The following PPP1R9A variants were observed in gnomAD, a reference collection of about 807,000 sequenced individuals.
PPP1R9A encodes neurabin-1.
Under a neutral mutation model 141.9 loss-of-function variants are expected in PPP1R9A, and 59 were observed. That is an observed-to-expected ratio of 0.42 (90% CI 0.34 to 0.52). The LOEUF is 0.52. PPP1R9A is among the 20% of genes least tolerant of loss of function. The probability of loss-of-function intolerance (pLI) is 0.10; values close to 1 mark genes in which losing one functional copy is unlikely to be tolerated. For synonymous variants in PPP1R9A, 500 were observed against 569.7 expected, an observed-to-expected ratio of 0.88 and a Z score of 1.74; for missense variants, 1,444 against 1,611.9, an observed-to-expected ratio of 0.90 and a Z score of 1.78.
intron 17 of PPP1R9A, among the ~76,000 whole-genome samples, chr7:95,285,167 G>T (rs1303270522): frequency 2.6e-5 from 4 of 152,144 alleles, no homozygotes; most frequent in Admixed American, 2.6e-4. Context: ...CCAGCCTCTG[G>T]CATGGTATTT....
intron 8 of PPP1R9A, among the ~76,000 whole-genome samples, chr7:95,245,417 T>A (rs1797989825): frequency 6.6e-6 from 1 of 152,148 alleles, no homozygotes. Context: ...GGTGATTCAC[T>A]GTGAGGAAAA....
At position 95,142,744 on chromosome 7, in the gene PPP1R9A, G is replaced by C. The variant is rs553425361; in HGVS notation, c.1650-19123G>C. On this transcript the variant is annotated intron_variant, in intron 4 of 19. Coordinates refer to ENST00000433360, the MANE Select transcript of PPP1R9A (RefSeq NM_001166160.2). Reference sequence around the variant, plus strand: ...GCAGAATGAATTTGAGGAACACATAGAGCCAATGATAATGAGATGAGTTAG... The same window carrying C: ...GCAGAATGAATTTGAGGAACACATACAGCCAATGATAATGAGATGAGTTAG... Among the ~76,000 whole-genome samples the C allele has an allele frequency of 2.2e-3, 338 of 152,080 alleles. 1 individual carries two copies. Among genetic ancestry groups the C allele is most frequent in the Non-Finnish European group, 3.6e-3 (242 of 67,942 alleles).
chr7:95,234,314 A>G (rs1381252376), intron 8 of PPP1R9A, among the ~76,000 whole-genome samples: 2 of 152,226 alleles, frequency 1.3e-5, no homozygotes, highest in Admixed American at 6.5e-5. Flanking sequence ...GAACTGGTAA[A>G]TGAATTCAGC....
At chr7:95,178,968 A>G (rs143891539) in intron 5 of PPP1R9A, among the ~76,000 whole-genome samples, 229 of 152,112 alleles carry the variant, frequency 1.5e-3, no homozygotes, top group African/African-American at 5.1e-3. Flanking sequence ...ATTGGTACCA[A>G]TCCTATTGAC....
chr7:95,128,909 A>G (rs1824067207), intron 4 of PPP1R9A, among the ~76,000 whole-genome samples: 1 of 152,198 alleles, frequency 6.6e-6, no homozygotes, highest in Non-Finnish European at 1.5e-5. Context: ...AGACTTAGTC[A>G]TAAATTCTCT....
At chr7:95,047,013 T>C (rs1038991220) in intron 2 of PPP1R9A, among the ~76,000 whole-genome samples, 6 of 152,196 alleles carry the variant, frequency 3.9e-5, no homozygotes, top group Non-Finnish European at 8.8e-5. Context: ...GGTGCTGGGC[T>C]CTCTCCTGGA....
At chr7:95,004,920 T>G (rs1240711948) in intron 2 of PPP1R9A, among the ~76,000 whole-genome samples, 1 of 152,216 alleles carries the variant, frequency 6.6e-6, no homozygotes, top group African/African-American at 2.4e-5. Flanking sequence ...ATCTGTCGAA[T>G]GTTTCCCTGT....
At position 95,237,077 on chromosome 7, in the gene PPP1R9A, A is replaced by G. The variant is rs1171809126; in HGVS notation, c.2113-10396A>G. ...AGATATTTTATATTAATAGCTTGAT[A>G]CATAAACAGTTTTTATTTAATAATC... On this transcript the variant is annotated intron_variant, in intron 8 of 19. Transcript: ENST00000433360. 4.0e-5 allele frequency among the ~76,000 whole-genome samples: 6 copies of G among 151,380 alleles called. No individual in the cohort carries two copies. In the East Asian group the frequency reaches 9.7e-4, roughly 24 times the overall value.
rs1165803629 is a variant in PPP1R9A at position 95,290,657 on chromosome 7, G to GT, written c.*356dup. 1 of 228,010 alleles carries GT rather than the reference G, an allele frequency of 4.4e-6. No homozygotes were observed. The highest frequency in any genetic ancestry group is 5.2e-5 in the Admixed American group (1 of 19,412). The allele number at this position is 228,010 out of a possible 1,614,324, so 14.1% of individuals were successfully genotyped here. On this transcript the variant is annotated 3_prime_UTR_variant, in exon 20 of 20. Transcript: ENST00000433360. ...CAAGAGCATGACACACCCTGGTGTT[G>GT]TTAATGGAGCGCCGTGAATTTTCAG... is the stretch of plus-strand genomic sequence containing the variant.
intron 6 of PPP1R9A, 98 bp downstream of exon 6, chr7:95,198,582 A>C (rs1391883244): frequency 7.3e-7 from 1 of 1,361,810 alleles, no homozygotes; most frequent in East Asian, 2.5e-5. Context: ...CAGTTTCTTG[A>C]GGAAGGTGTG....
chr7:95,107,776 G>T (rs1394307413), intron 2 of PPP1R9A, among the ~76,000 whole-genome samples: 1 of 151,980 alleles, frequency 6.6e-6, no homozygotes, highest in Non-Finnish European at 1.5e-5. Flanking sequence ...TAGTTTTCAC[G>T]AAAAATGTAG....
rs1807055636 is a variant in PPP1R9A, at chr7:95,296,002, A to T, written c.*5699A>T. On this transcript the variant is annotated 3_prime_UTR_variant, in exon 20 of 20. Coordinates refer to ENST00000433360, the MANE Select transcript of PPP1R9A (RefSeq NM_001166160.2). Reference sequence around the variant, plus strand: ...AGAATAAATTCTATTCCACTGTAAGAAGTTGATTTCTTTTCAGCTTTCTTT... The same window carrying T: ...AGAATAAATTCTATTCCACTGTAAGTAGTTGATTTCTTTTCAGCTTTCTTT... The T allele has an allele frequency of 6.6e-6, 1 of 152,650 alleles. No individual in the cohort carries two copies. Among genetic ancestry groups the T allele is most frequent in the African/African-American group, 2.4e-5 (1 of 41,458 alleles). The allele number at this position is 152,650 out of a possible 1,614,324, so 9.5% of individuals were successfully genotyped here.
intron 16 of PPP1R9A, 68 bp downstream of exon 16, chr7:95,274,236 T>C: frequency 7.3e-7 from 1 of 1,365,318 alleles, no homozygotes; most frequent in Non-Finnish European, 9.9e-7. Context: ...CTTCTATTGT[T>C]AACCAAAATC....
At chr7:95,078,184 T>C in intron 2 of PPP1R9A, among the ~76,000 whole-genome samples, 1 of 137,270 alleles carries the variant, frequency 7.3e-6, no homozygotes, top group East Asian at 2.2e-4. Flanking sequence ...CCTGTGTCCA[T>C]GTGTTCTCAC....
At chr7:94,971,482 A>G (rs917173062) in intron 2 of PPP1R9A, among the ~76,000 whole-genome samples, 27 of 152,348 alleles carry the variant, frequency 1.8e-4, no homozygotes, top group African/African-American at 6.5e-4. Flanking sequence ...AAACAAACTG[A>G]TTAAGTGTAA....
At chr7:95,284,570 A>G (rs1467226956) in intron 17 of PPP1R9A, among the ~76,000 whole-genome samples, 1 of 152,232 alleles carries the variant, frequency 6.6e-6, no homozygotes, top group Non-Finnish European at 1.5e-5. Flanking sequence ...ACTTTAAATT[A>G]CATTACTAAA....
At chr7:95,128,939 A>C (rs1028068241) in intron 4 of PPP1R9A, among the ~76,000 whole-genome samples, 1 of 152,128 alleles carries the variant, frequency 6.6e-6, no homozygotes, top group Non-Finnish European at 1.5e-5. Flanking sequence ...AATGTCCTGA[A>C]TGGTGTTTCC....
intron 2 of PPP1R9A, among the ~76,000 whole-genome samples, chr7:95,017,388 C>T: frequency 6.6e-6 from 1 of 152,082 alleles, no homozygotes; most frequent in Non-Finnish European, 1.5e-5. Flanking sequence ...GTAAGTGAAT[C>T]TTCATAATTG....
chr7:95,160,713 T>C (rs1830354874), intron 4 of PPP1R9A, among the ~76,000 whole-genome samples: 1 of 152,134 alleles, frequency 6.6e-6, no homozygotes, highest in Admixed American at 6.6e-5. Context: ...TTTCTATTGT[T>C]GCCGCCTTTA....
Sources: allele counts gnomAD v4.1 joint callset (sites outside exome capture counted in the v4.1 genomes callset), GRCh38; gene constraint gnomAD v4.1.1; transcripts MANE v1.5; gene names NCBI Gene and HGNC (gene_info 2026-07-23, HGNC 2026-07-21).